The following DLGAP2 variants were observed in gnomAD, a reference collection of about 807,000 sequenced individuals.
DLGAP2 encodes the protein DLG associated protein 2.
In DLGAP2, 26 loss-of-function variants were observed where a neutral mutation model predicts 100.3. The ratio of observed to expected loss-of-function variants is 0.26; its 90% CI spans 0.19 to 0.36. DLGAP2 has a LOEUF of 0.36. Ranked by LOEUF, DLGAP2 falls within the 10% of genes least tolerant of loss-of-function variation. DLGAP2 has a pLI of 1.00. For synonymous variants in DLGAP2, 886 were observed against 630.1 expected (o/e 1.41, Z -6.08); for missense variants, 1,858 against 1,453.2 (o/e 1.28, Z -4.53).
intron 8 of DLGAP2, among the ~76,000 whole-genome samples, chr8:1,662,575 G>C (rs751097132): frequency 2.6e-5 from 4 of 152,336 alleles, no homozygotes; most frequent in Admixed American, 6.5e-5. Context: ...ACCAACAACT[G>C]GAGAAGCATC....
At chr8:1,454,936 T>C (rs949487185) in intron 3 of DLGAP2, among the ~76,000 whole-genome samples, 4 of 152,142 alleles carry the variant, frequency 2.6e-5, no homozygotes, top group Non-Finnish European at 5.9e-5. Flanking sequence ...CAGCCACCTC[T>C]GAGCTTCCCC....
chr8:1,232,270 G>C (rs2116835969), intron 2 of DLGAP2, among the ~76,000 whole-genome samples: 1 of 152,366 alleles, frequency 6.6e-6, no homozygotes, highest in South Asian at 2.1e-4. Flanking sequence ...GTGCTGAGGA[G>C]TGGGTTTTCC....
intron 5 of DLGAP2, among the ~76,000 whole-genome samples, chr8:1,560,630 G>T (rs866845935): frequency 6.6e-6 from 1 of 152,176 alleles, no homozygotes; most frequent in Non-Finnish European, 1.5e-5. Flanking sequence ...AAGACCGGGC[G>T]CTCCACTGCC....
chr8:748,597 G>A (rs1253671597), intron 1 of DLGAP2, among the ~76,000 whole-genome samples: 4 of 152,284 alleles, frequency 2.6e-5, no homozygotes, highest in South Asian at 4.1e-4. Flanking sequence ...CATTTACCAC[G>A]CACTTTAGCT....
chr8:1,104,406 A>C (rs901247645), intron 2 of DLGAP2, among the ~76,000 whole-genome samples: 19 of 152,236 alleles, frequency 1.2e-4, no homozygotes, highest in African/African-American at 4.3e-4. Flanking sequence ...CCACAGGACC[A>C]GCACAGTCAT....
At chr8:1,216,866 A>C (rs1798223741) in intron 2 of DLGAP2, among the ~76,000 whole-genome samples, 1 of 152,174 alleles carries the variant, frequency 6.6e-6, no homozygotes. Context: ...AGTAATTTAC[A>C]AATCAAGGTA....
chr8:1,058,352 T>G (rs1802945903), intron 2 of DLGAP2, among the ~76,000 whole-genome samples: 1 of 152,344 alleles, frequency 6.6e-6, no homozygotes, highest in Admixed American at 6.5e-5. Context: ...CTGCCACGGC[T>G]CCGACGGGCG....
chr8:1,331,627 T>G (rs1426804227), intron 3 of DLGAP2, among the ~76,000 whole-genome samples: 1 of 152,242 alleles, frequency 6.6e-6, no homozygotes, highest in African/African-American at 2.4e-5. Context: ...TCTTTTGTGT[T>G]AATCTCAGTT....
rs558056798 is a variant in DLGAP2, at chr8:1,695,354, G to A, written c.2797-1793G>A. ...CATGCCCGGCCCTACAGAAAGAGGG[G>A]GCACAGCCATGCCCGGCCCTACAGA... On this transcript the variant is annotated intron_variant, in intron 13 of 14. Transcript: ENST00000637795. Among the ~76,000 whole-genome samples the A allele has an allele frequency of 2.1e-3, 306 of 145,218 alleles. 2 individuals carry two copies. Among genetic ancestry groups the A allele is most frequent in the Admixed American group, 4.1e-3 (61 of 14,916 alleles).
chr8:1,009,245 G>T (rs1331135536), intron 2 of DLGAP2, among the ~76,000 whole-genome samples: 1 of 152,178 alleles, frequency 6.6e-6, no homozygotes, highest in African/African-American at 2.4e-5. Flanking sequence ...TCCTTCAGTG[G>T]AATGCATTTT....
At chr8:771,515 C>G (rs943390372) in intron 1 of DLGAP2, among the ~76,000 whole-genome samples, 5 of 152,210 alleles carry the variant, frequency 3.3e-5, no homozygotes, top group African/African-American at 1.2e-4. Flanking sequence ...TAAGTACTTG[C>G]TACTTAATTG....
In DLGAP2 at chr8:894,137, A is replaced by G. The variant is rs187908485; in HGVS notation, c.19-13775A>G. 2.8e-3 allele frequency among the ~76,000 whole-genome samples: 432 copies of G among 152,282 alleles called. 3 individuals carry two copies. The highest frequency in any genetic ancestry group is 4.9e-3 in the Non-Finnish European group (334 of 68,028). On this transcript the variant is annotated intron_variant, in intron 1 of 14. Coordinates refer to ENST00000637795, the MANE Select transcript of DLGAP2 (RefSeq NM_001346810.2). ...GTCTCCCTCTCCCATGGCCACTGCAATGTTTCTGCTGTTGGAGGCTCAGTC... is the reference window on the plus strand; with the variant it reads ...GTCTCCCTCTCCCATGGCCACTGCAGTGTTTCTGCTGTTGGAGGCTCAGTC...
chr8:1,177,800 G>A (rs1162601524), intron 2 of DLGAP2, among the ~76,000 whole-genome samples: 2 of 152,164 alleles, frequency 1.3e-5, no homozygotes, highest in Non-Finnish European at 2.9e-5. Context: ...AGGGTACAAG[G>A]GGTGAGGGAG....
At chr8:897,586 G>A (rs1798167648) in intron 1 of DLGAP2, among the ~76,000 whole-genome samples, 1 of 152,164 alleles carries the variant, frequency 6.6e-6, no homozygotes, top group South Asian at 2.1e-4. Context: ...GGGGGTGTGT[G>A]CGAGCGCGAA....
intron 1 of DLGAP2, among the ~76,000 whole-genome samples, chr8:778,426 T>C (rs911181769): frequency 6.6e-6 from 1 of 152,232 alleles, no homozygotes; most frequent in Non-Finnish European, 1.5e-5. Flanking sequence ...GGCGCTCTGC[T>C]TTTTAGAGTT....
intron 2 of DLGAP2, among the ~76,000 whole-genome samples, chr8:1,203,051 C>T (rs552880591): frequency 1.4e-4 from 22 of 152,186 alleles, no homozygotes; most frequent in Non-Finnish European, 2.4e-4. Flanking sequence ...ACGCCGGTTC[C>T]GTAAGCTGCT....
chr8:758,265 C>G (rs974178610), intron 1 of DLGAP2, among the ~76,000 whole-genome samples: 1 of 152,152 alleles, frequency 6.6e-6, no homozygotes, highest in African/African-American at 2.4e-5. Context: ...GGCAAAAACT[C>G]GGTAGTGCCA....
At chr8:1,562,877 C>T (rs1248419371) in intron 5 of DLGAP2, among the ~76,000 whole-genome samples, 69 of 43,346 alleles carry the variant, frequency 1.6e-3, no homozygotes, top group African/African-American at 7.9e-3. Context: ...TTGGGGTGTC[C>T]GCGCCTCGTT....
rs552742557 is a variant in DLGAP2 at position 1,068,988 on chromosome 8, C to G, written c.73+161022C>G. Among the ~76,000 whole-genome samples, 10 of 152,288 alleles carry G rather than the reference C, an allele frequency of 6.6e-5. No individual in the cohort carries two copies. In the South Asian group the frequency reaches 1.2e-3, roughly 19 times the overall value. On this transcript the variant is annotated intron_variant, in intron 2 of 14. Transcript: ENST00000637795. ...TCTGTGGGACCCAGTCCTTGAAAGA[C>G]TCACAGGAATGTGCCTAATGGAAAC...
Sources: allele counts gnomAD v4.1 joint callset (sites outside exome capture counted in the v4.1 genomes callset), GRCh38; gene constraint gnomAD v4.1.1; transcripts MANE v1.5; gene names NCBI Gene and HGNC (gene_info 2026-07-23, HGNC 2026-07-21).